Variants in SHROOM3 observed in about 807,000 individuals in gnomAD.
The protein encoded by SHROOM3 is shroom family member 3.
In SHROOM3, 47 loss-of-function variants were observed where a neutral mutation model predicts 138.6. That is an observed-to-expected ratio of 0.34 (90% CI 0.27 to 0.43). The LOEUF is 0.43. Ranked by LOEUF, SHROOM3 falls within the 20% of genes least tolerant of loss-of-function variation. The pLI is 1.00. For missense variants in SHROOM3, 2,491 were observed against 2,596.5 expected (o/e 0.96, Z 0.88); for synonymous variants, 1,062 against 1,063.3 (o/e 1.00, Z 0.02).
chr4:76,752,189 T>C (rs552044489), intron 6 of SHROOM3, among the ~76,000 whole-genome samples: 1 of 152,336 alleles, frequency 6.6e-6, no homozygotes, highest in East Asian at 1.9e-4. Context: ...TGAAGTGAAA[T>C]ATAAGCCAGT....
chr4:76,644,194 C>A (rs1440004871), intron 2 of SHROOM3: 1 of 151,426 alleles, frequency 6.6e-6, no homozygotes, highest in Non-Finnish European at 1.5e-5. Flanking sequence ...TCATTTATGT[C>A]AATAGTAATC....
At chr4:76,555,292 T>C (rs1324870233) in intron 1 of SHROOM3, among the ~76,000 whole-genome samples, 1 of 152,058 alleles carries the variant, frequency 6.6e-6, no homozygotes, top group Non-Finnish European at 1.5e-5. Flanking sequence ...TTTTTGAAGA[T>C]GTAAAGCAAG....
chr4:76,636,376 A>G (rs976280560), intron 2 of SHROOM3, among the ~76,000 whole-genome samples: 34 of 152,212 alleles, frequency 2.2e-4, no homozygotes, highest in African/African-American at 7.2e-4. Context: ...TAATTATTTA[A>G]TGAACCTTCT....
At position 76,740,347 on chromosome 4, in the gene SHROOM3, C is replaced by T. The variant is rs200493793; in HGVS notation, c.2174C>T (p.Pro725Leu). 29 of 1,612,962 alleles carry T rather than the reference C, an allele frequency of 1.8e-5. No homozygotes were observed. The highest frequency in any genetic ancestry group is 2.3e-5 in the Non-Finnish European group (27 of 1,180,028). The change falls in exon 5 of 11, where the codon CCC becomes CTC. Residue 725 changes from proline to leucine, a missense_variant. Pro to Leu is a moderately conservative substitution (Grantham distance 98). Transcript: ENST00000296043. This position sits in a 1 kb window ranked among gnomAD's most constrained non-coding sequence, Gnocchi z 4.0. ...HLDRQVSYPR[P>L]EGRTGASASF... ...GACCGGCAGGTTTCCTACCCGCGGC[C>T]CGAGGGGAGGACCGGTGCCTCGGCT... is the stretch of plus-strand genomic sequence containing the variant.
chr4:76,584,380 G>A (rs1452968865), intron 2 of SHROOM3, among the ~76,000 whole-genome samples: 1 of 152,050 alleles, frequency 6.6e-6, no homozygotes, highest in Non-Finnish European at 1.5e-5. Context: ...CATCCATGAG[G>A]ACTGTGTATG....
intron 2 of SHROOM3, among the ~76,000 whole-genome samples, chr4:76,684,851 C>G (rs552274291): frequency 6.6e-6 from 1 of 152,270 alleles, no homozygotes; most frequent in Non-Finnish European, 1.5e-5. Flanking sequence ...TAGAGTTTTC[C>G]TCCTTCATGT....
At chr4:76,552,633 T>C (rs1407751899) in intron 1 of SHROOM3, among the ~76,000 whole-genome samples, 1 of 151,104 alleles carries the variant, frequency 6.6e-6, no homozygotes, top group Non-Finnish European at 1.5e-5. Flanking sequence ...GTTTGCTATA[T>C]ACATATACAT....
At chr4:76,715,359 T>A (rs1345084312) in intron 3 of SHROOM3, among the ~76,000 whole-genome samples, 1 of 152,186 alleles carries the variant, frequency 6.6e-6, no homozygotes, top group African/African-American at 2.4e-5. Flanking sequence ...CTTAATATTC[T>A]CACAGATCCA....
At chr4:76,496,069 G>A (rs1731962750) in intron 1 of SHROOM3, among the ~76,000 whole-genome samples, 1 of 152,236 alleles carries the variant, frequency 6.6e-6, no homozygotes, top group Non-Finnish European at 1.5e-5. Context: ...CAAGTGTCAA[G>A]ATTAGGAGGC....
intron 2 of SHROOM3, among the ~76,000 whole-genome samples, chr4:76,632,142 A>G (rs1226917674): frequency 6.6e-6 from 1 of 152,166 alleles, no homozygotes; most frequent in Non-Finnish European, 1.5e-5. Context: ...TTTTAGATTT[A>G]TTATGTTGGA....
chr4:76,754,483 C>T lies in SHROOM3; in HGVS notation c.4000C>T (p.Pro1334Ser), dbSNP rs1212418585. The T allele has an allele frequency of 1.2e-6, 2 of 1,614,140 alleles. No individual in the cohort carries two copies. The highest frequency in any genetic ancestry group is 3.3e-5 in the Admixed American group (2 of 60,028). ...RQASRTPCPR[P>S]PLAGTQGLVT... ...AGCCAGTAGGACACCCTGCCCCAGG[C>T]CACCACTGGCAGGAACGCAAGGGCT... The change falls in exon 7 of 11, where the codon CCA (proline) becomes TCA (serine). Residue 1334 changes from proline to serine, a missense_variant. Physicochemically the swap from Pro to Ser is moderately conservative, Grantham distance 74. This residue lies in a region of SHROOM3 where 1,733 missense variants were observed against 1,661.6 expected (regional missense o/e 1.04). Transcript: ENST00000296043.
intron 2 of SHROOM3, among the ~76,000 whole-genome samples, chr4:76,628,373 T>C (rs1735209476): frequency 6.6e-6 from 1 of 152,240 alleles, no homozygotes; most frequent in South Asian, 2.1e-4. Context: ...ATTATTTGTC[T>C]CTGTGGTTCA....
chr4:76,483,050 A>C (rs1226400961), intron 1 of SHROOM3, among the ~76,000 whole-genome samples: 1 of 152,184 alleles, frequency 6.6e-6, no homozygotes, highest in Non-Finnish European at 1.5e-5. Context: ...AAAAATCCTA[A>C]AAGAAAACCT....
intron 2 of SHROOM3, among the ~76,000 whole-genome samples, chr4:76,613,218 A>G (rs1057164113): frequency 6.6e-6 from 1 of 152,182 alleles, no homozygotes; most frequent in East Asian, 1.9e-4. Context: ...ACTCTTCTAC[A>G]GTATTTCTGC....
At chr4:76,440,799 CT>C (rs1256890474) in intron 1 of SHROOM3, among the ~76,000 whole-genome samples, 1 of 152,168 alleles carries the variant, frequency 6.6e-6, no homozygotes, top group African/African-American at 2.4e-5. Flanking sequence ...TTCTACTCCC[CT>C]GGAAGGTATC....
intron 2 of SHROOM3, among the ~76,000 whole-genome samples, chr4:76,634,261 G>C (rs899881992): frequency 6.6e-6 from 1 of 152,092 alleles, no homozygotes; most frequent in Non-Finnish European, 1.5e-5. Flanking sequence ...AGAATTTGGG[G>C]CATTTCCTGA....
intron 2 of SHROOM3, among the ~76,000 whole-genome samples, chr4:76,651,920 G>A (rs1460598923): frequency 6.6e-6 from 1 of 152,146 alleles, no homozygotes; most frequent in Non-Finnish European, 1.5e-5. Context: ...ACTTCAGCCT[G>A]CCATGGTTTT....
chr4:76,521,979 A>G (rs1375357965), intron 1 of SHROOM3, among the ~76,000 whole-genome samples: 1 of 152,142 alleles, frequency 6.6e-6, no homozygotes, highest in Non-Finnish European at 1.5e-5. Flanking sequence ...CTTAACCTCA[A>G]TCTAATCGTG....
At position 76,739,564 on chromosome 4, in the gene SHROOM3, C is replaced by T. The variant is rs780349816; in HGVS notation, c.1391C>T (p.Pro464Leu). Reference protein sequence around the residue: ...QKAQPGQPLLPTSIYPVPSLE... With the variant: ...QKAQPGQPLLLTSIYPVPSLE... ...GCCCAACCTGGCCAACCTCTGCTGCCGACCAGCATCTACCCGGTACCTTCC... is the reference window on the plus strand; with the variant it reads ...GCCCAACCTGGCCAACCTCTGCTGCTGACCAGCATCTACCCGGTACCTTCC... The change falls in exon 5 of 11, where the codon CCG becomes CTG. Residue 464 changes from proline (P) to leucine (L), a missense_variant. Physicochemically the swap from Pro to Leu is moderately conservative, Grantham distance 98. Around this residue, in one of 4 missense-constraint regions of SHROOM3, gnomAD observed 1,733 missense variants for 1,661.6 expected, o/e 1.04. Coordinates refer to ENST00000296043, the MANE Select transcript of SHROOM3 (RefSeq NM_020859.4). 19 of 1,614,062 alleles carry T rather than the reference C, an allele frequency of 1.2e-5. No individual in the cohort carries two copies. The highest frequency in any genetic ancestry group is 8.0e-5 in the African/African-American group (6 of 74,932).
Sources: gnomAD v4.1 joint callset for allele counts (sites outside exome capture counted in the v4.1 genomes callset) on GRCh38, gnomAD v4.1.1 for gene constraint, gnomAD v4.1.1 regional missense constraint, Gnocchi (gnomAD v3.1) non-coding constraint, MANE v1.5 for transcripts, NCBI Gene and HGNC (gene_info 2026-07-23, HGNC 2026-07-21) for gene names.